RSRC1: variants seen among roughly 807,000 people sequenced by gnomAD.
RSRC1 encodes arginine and serine rich coiled-coil 1.
In RSRC1, 39 loss-of-function variants were observed where a neutral mutation model predicts 49.1. The observed-to-expected ratio is 0.79, with a 90% CI of 0.61 to 1.04. RSRC1 has a LOEUF of 1.04. RSRC1 is among the 50% of genes least tolerant of loss of function. The probability of loss-of-function intolerance (pLI) is 0.00; values close to 1 mark genes in which losing one functional copy is unlikely to be tolerated. For synonymous variants in RSRC1, 143 were observed against 130.8 expected (o/e 1.09, Z -0.63); for missense variants, 388 against 402.4 (o/e 0.96, Z 0.31).
chr3:158,296,985 G>A lies in RSRC1; in HGVS notation c.495-1054G>A, dbSNP rs1246496103. 2.6e-5 allele frequency among the ~76,000 whole-genome samples: 4 copies of A among 151,876 alleles called. 1 individual carries two copies. The highest frequency in any genetic ancestry group is 9.7e-5 in the African/African-American group (4 of 41,392). On this transcript the variant is annotated intron_variant, in intron 4 of 9. Coordinates refer to ENST00000611884, the MANE Select transcript of RSRC1 (RefSeq NM_001271838.2). Reference sequence around the variant, plus strand: ...AAGGAAACAGGTAAGTATATCTTTGGCAAAGAAAAAATAGAAGACAGAAAT... The same window carrying A: ...AAGGAAACAGGTAAGTATATCTTTGACAAAGAAAAAATAGAAGACAGAAAT...
At chr3:158,409,353 C>T (rs560389050) in intron 6 of RSRC1, among the ~76,000 whole-genome samples, 1 of 152,172 alleles carries the variant, frequency 6.6e-6, no homozygotes, top group South Asian at 2.1e-4. Context: ...ATAAAGAGTC[C>T]AGCAAGTCAC....
At chr3:158,130,593 T>A (rs1214146447) in intron 3 of RSRC1, among the ~76,000 whole-genome samples, 1 of 152,182 alleles carries the variant, frequency 6.6e-6, no homozygotes, top group African/African-American at 2.4e-5. Flanking sequence ...ACCTTATACA[T>A]GTAGCCTGAA....
rs144862315 is a variant in RSRC1, at chr3:158,122,276, C to T, written c.172C>T (p.Arg58Cys). 84 of 1,582,194 alleles carry T rather than the reference C, an allele frequency of 5.3e-5. No individual in the cohort carries two copies. Among genetic ancestry groups the T allele is most frequent in the Middle Eastern group, 5.1e-4 (3 of 5,894 alleles). Residue 58 changes from arginine to cysteine, a missense_variant, in exon 2 of 10, where the codon CGT becomes TGT. By Grantham distance (180) the Arg-to-Cys change is radical (BLOSUM62 -3). Coordinates refer to ENST00000611884, the MANE Select transcript of RSRC1 (RefSeq NM_001271838.2). ...SRSWSRDLQP[R>C]SHSYDRRRRH... is the part of the protein sequence containing the mutation. ...ATCTTGGTCCAGAGATCTTCAGCCT[C>T]GTTCACATTCTTATGATAGAAGGTG...
intron 7 of RSRC1, 46 bp downstream of exon 7, chr3:158,461,049 G>GT (rs1737583983): frequency 7.1e-7 from 1 of 1,418,432 alleles, no homozygotes. Flanking sequence ...CTATTTGGCT[G>GT]TATTTCCTGA....
At chr3:158,154,972 A>C (rs1035650847) in intron 3 of RSRC1, among the ~76,000 whole-genome samples, 2 of 152,304 alleles carry the variant, frequency 1.3e-5, no homozygotes, top group South Asian at 2.1e-4. Context: ...AATTGAATCC[A>C]TTCAGTCACA....
chr3:158,320,987 C>T (rs1401860668), intron 5 of RSRC1, among the ~76,000 whole-genome samples: 1 of 151,972 alleles, frequency 6.6e-6, no homozygotes, highest in Non-Finnish European at 1.5e-5. Context: ...GCCACACATA[C>T]CTTTGAGAAT....
chr3:158,272,892 C>T (rs1378039786), intron 4 of RSRC1, among the ~76,000 whole-genome samples: 6 of 151,958 alleles, frequency 3.9e-5, no homozygotes, highest in Non-Finnish European at 7.4e-5. Context: ...CTCTCCTCAT[C>T]CAACTGTTAT....
intron 3 of RSRC1, among the ~76,000 whole-genome samples, chr3:158,128,673 T>G (rs1715793854): frequency 6.6e-6 from 1 of 152,200 alleles, no homozygotes; most frequent in African/African-American, 2.4e-5. Flanking sequence ...TTATAAATCT[T>G]ATCAGTTTTC....
At chr3:158,465,565 A>C (rs1737843504) in intron 7 of RSRC1, among the ~76,000 whole-genome samples, 1 of 152,224 alleles carries the variant, frequency 6.6e-6, no homozygotes, top group African/African-American at 2.4e-5. Flanking sequence ...GTTTGCATGT[A>C]GATCCAAGTA....
At chr3:158,408,151 A>T (rs1346046049) in intron 6 of RSRC1, among the ~76,000 whole-genome samples, 1 of 152,312 alleles carries the variant, frequency 6.6e-6, no homozygotes, top group African/African-American at 2.4e-5. Flanking sequence ...ACTTTTCCCC[A>T]TACTGAGATT....
intron 8 of RSRC1, among the ~76,000 whole-genome samples, chr3:158,538,067 G>T (rs1486677058): frequency 6.6e-6 from 1 of 151,734 alleles, no homozygotes; most frequent in African/African-American, 2.4e-5. Context: ...CCACCCAAAA[G>T]TTCAAAGAGA....
rs552811724 is a variant in RSRC1 at position 158,351,639 on chromosome 3, C to G, written c.532-3218C>G. On this transcript the variant is annotated intron_variant, in intron 5 of 9. Transcript: ENST00000611884. ...ATCAAAACTCTATATGCATTTATATCTATGTGAATTAATTGATTTTATTTC... is the reference window on the plus strand; with the variant it reads ...ATCAAAACTCTATATGCATTTATATGTATGTGAATTAATTGATTTTATTTC... Among the ~76,000 whole-genome samples the G allele has an allele frequency of 4.0e-5, 6 of 151,864 alleles. No individual in the cohort carries two copies. The South Asian group carries it at 6.2e-4, about 16-fold the overall frequency.
At chr3:158,236,927 G>A (rs957989341) in intron 4 of RSRC1, among the ~76,000 whole-genome samples, 1 of 152,126 alleles carries the variant, frequency 6.6e-6, no homozygotes, top group Admixed American at 6.6e-5. Context: ...GGTGAATGAT[G>A]GTAGTGGATA....
chr3:158,526,821 A>G (rs1273018832), intron 7 of RSRC1, among the ~76,000 whole-genome samples: 3 of 151,988 alleles, frequency 2.0e-5, no homozygotes, highest in African/African-American at 7.2e-5. Flanking sequence ...TATGTTAGGT[A>G]TCCATTTGCT....
rs926282702 is a variant in RSRC1, at chr3:158,264,619, A to G, written c.495-33420A>G. ...AGAATATTGGAAATCTCCAACCATT[A>G]TACTGGATTTGTCTGGATAGTTTTT... On this transcript the variant is annotated intron_variant, in intron 4 of 9. Transcript: ENST00000611884. 1.4e-4 allele frequency among the ~76,000 whole-genome samples: 21 copies of G among 152,298 alleles called. 1 individual carries two copies. The highest frequency in any genetic ancestry group is 8.5e-4 in the Admixed American group (13 of 15,296).
intron 4 of RSRC1, among the ~76,000 whole-genome samples, chr3:158,257,726 T>C (rs1052177094): frequency 2.0e-5 from 3 of 152,184 alleles, no homozygotes; most frequent in African/African-American, 4.8e-5. Flanking sequence ...TCTTTTCTTC[T>C]TTCCTGTCTT....
At chr3:158,315,422 C>A (rs1462077090) in intron 5 of RSRC1, among the ~76,000 whole-genome samples, 1 of 152,116 alleles carries the variant, frequency 6.6e-6, no homozygotes, top group Non-Finnish European at 1.5e-5. Context: ...TGGTGCTACT[C>A]TTATCTCCAT....
chr3:158,444,232 G>A (rs113885712), intron 6 of RSRC1, among the ~76,000 whole-genome samples: 8,148 of 152,182 alleles, frequency 0.054, 314 homozygotes, highest in South Asian at 0.1. Flanking sequence ...AAAGCTGGAG[G>A]CATCACACTA....
At chr3:158,131,168 A>G (rs1715998422) in intron 3 of RSRC1, among the ~76,000 whole-genome samples, 1 of 151,600 alleles carries the variant, frequency 6.6e-6, no homozygotes, top group Middle Eastern at 3.2e-3. Flanking sequence ...ATTATACTTT[A>G]AGTTCTAGGG....
Sources: allele counts gnomAD v4.1 joint callset (sites outside exome capture counted in the v4.1 genomes callset), GRCh38; gene constraint gnomAD v4.1.1; transcripts MANE v1.5; gene names NCBI Gene and HGNC (gene_info 2026-07-23, HGNC 2026-07-21).